TNR: variants seen among roughly 807,000 people sequenced by gnomAD.
The protein encoded by TNR is tenascin-R.
In TNR, 45 loss-of-function variants were observed where a neutral mutation model predicts 150.4. That is an observed-to-expected ratio of 0.30 (90% confidence interval 0.24 to 0.38). The LOEUF (loss-of-function observed/expected upper bound fraction) is 0.38, where lower values mean the gene tolerates loss of function less well. Among genes scored for constraint, TNR ranks in the 10% least tolerant of loss-of-function variants. TNR has a pLI of 1.00. For missense variants in TNR, 1,544 were observed against 1,759.1 expected, an observed-to-expected ratio of 0.88 and a Z score of 2.19; for synonymous variants, 687 against 678.4, an observed-to-expected ratio of 1.01 and a Z score of -0.20.
At position 175,331,167 on chromosome 1, in the gene TNR, TTCCTTCC is replaced by T. The variant is rs1557868627; in HGVS notation, c.3632-939_3632-933del. On this transcript the variant is annotated intron_variant, in intron 20 of 22. Coordinates refer to ENST00000367674, the MANE Select transcript of TNR (RefSeq NM_003285.3). ...TCTTCCTTTCTTTCTTTTTCTTTCCTTCCTTCCTTCCTTCCTTCCTTCCTTCCTTCCT... is the reference window on the plus strand; with the variant it reads ...TCTTCCTTTCTTTCTTTTTCTTTCCTTTCCTTCCTTCCTTCCTTCCTTCCT... 3.1e-3 allele frequency among the ~76,000 whole-genome samples: 120 copies of T among 39,008 alleles called. 2 individuals carry two copies. The highest frequency in any genetic ancestry group is 8.4e-3 in the African/African-American group (98 of 11,648). The allele number at this position is 39,008 out of a possible 152,430, so 25.6% of individuals were successfully genotyped here.
chr1:175,634,084 C>T (rs1000632090), intron 1 of TNR, among the ~76,000 whole-genome samples: 2 of 152,146 alleles, frequency 1.3e-5, no homozygotes, highest in Non-Finnish European at 2.9e-5. Flanking sequence ...TATGTAACCA[C>T]TTGACACAAT....
At chr1:175,720,976 C>T (rs1216422878) in intron 1 of TNR, among the ~76,000 whole-genome samples, 3 of 152,202 alleles carry the variant, frequency 2.0e-5, no homozygotes, top group African/African-American at 7.2e-5. Flanking sequence ...TTGCCCAACC[C>T]TCTCATTTTT....
intron 3 of TNR, among the ~76,000 whole-genome samples, chr1:175,404,903 G>T (rs927315719): frequency 6.6e-6 from 1 of 152,192 alleles, no homozygotes; most frequent in African/African-American, 2.4e-5. Flanking sequence ...GTTGGTTATT[G>T]GGAGGAGAAG....
chr1:175,595,237 G>A (rs754612746), intron 1 of TNR, among the ~76,000 whole-genome samples: 1 of 152,138 alleles, frequency 6.6e-6, no homozygotes, highest in Non-Finnish European at 1.5e-5. Context: ...GCCAGCTATT[G>A]GTAGAGAATG....
rs747232355 is a variant in TNR at position 175,367,281 on chromosome 1, A to G, written c.1980T>C (p.Thr660=). The G allele has an allele frequency of 2.5e-6, 4 of 1,614,142 alleles. No individual in the cohort carries two copies. In the South Asian group the frequency reaches 4.4e-5, roughly 18 times the overall value. The change falls in exon 10 of 23, where the codon ACT becomes ACC. Residue 660 remains threonine, a synonymous_variant. Coordinates refer to ENST00000367674, the MANE Select transcript of TNR (RefSeq NM_003285.3). ...CGGCAGATATTCCAACTCCATACTC[A>G]GTGCCAGGTACCAGATCTATCAGTG... ...RATLTDLVPG[T]EYGVGISAVM...
chr1:175,364,441 T>G (rs1448478629), intron 12 of TNR, among the ~76,000 whole-genome samples: 6 of 151,966 alleles, frequency 3.9e-5, no homozygotes, highest in Admixed American at 2.0e-4. Flanking sequence ...AACATACATA[T>G]CTTCACCCAC....
At chr1:175,574,324 T>C (rs1046044584) in intron 1 of TNR, among the ~76,000 whole-genome samples, 2 of 152,198 alleles carry the variant, frequency 1.3e-5, no homozygotes, top group African/African-American at 4.8e-5. Context: ...TCCTTTTCTG[T>C]CTGCTCCTGT....
At chr1:175,651,153 A>C (rs1571715255) in intron 1 of TNR, among the ~76,000 whole-genome samples, 14 of 42,058 alleles carry the variant, frequency 3.3e-4, no homozygotes, top group East Asian at 1.0e-3. Context: ...ACCCCTCCCC[A>C]CCTCATTATT....
At chr1:175,641,035 C>T (rs929614780) in intron 1 of TNR, among the ~76,000 whole-genome samples, 90 of 152,144 alleles carry the variant, frequency 5.9e-4, no homozygotes, top group African/African-American at 2.1e-3. Flanking sequence ...GTCATTGTGA[C>T]ACATATTTAT....
At chr1:175,427,889 G>GCTTCCTTCCTTCCTTCCTTCCTTC (rs71129510) in intron 2 of TNR, among the ~76,000 whole-genome samples, 151 of 111,534 alleles carry the variant, frequency 1.4e-3, no homozygotes, top group African/African-American at 3.9e-3. Flanking sequence ...TCCCTTCTTC[G>GCTTCCTTCCTTCCTTCCTTCCTTC]CTTCCTTCCT....
intron 18 of TNR, among the ~76,000 whole-genome samples, chr1:175,352,927 TTCTC>T (rs1651124471): frequency 6.6e-6 from 1 of 152,146 alleles, no homozygotes; most frequent in African/African-American, 2.4e-5. Flanking sequence ...CTGGGGGACT[TTCTC>T]TCACCTCTCT....
rs1652918591 is a variant in TNR at position 175,386,199 on chromosome 1, T to A, written c.1610A>T (p.Lys537Ile). The A allele has an allele frequency of 1.2e-6, 2 of 1,612,096 alleles. No homozygotes were observed. The highest frequency in any genetic ancestry group is 8.5e-7 in the Non-Finnish European group (1 of 1,178,512). The stretch of plus-strand genomic sequence containing the variant: ...ACCTTCCCCGCCCACCAGGCCATAT[T>A]TCAAAAGAATGAAATCGACTTTGGC... ...PRAKVDFILL[K>I]YGLVGGEGGR... is the part of the protein sequence containing the mutation. Residue 537 changes from lysine to isoleucine, a missense_variant, in exon 8 of 23, where the codon AAA becomes ATA. By Grantham distance (102) the Lys-to-Ile change is moderately radical. Transcript: ENST00000367674.
chr1:175,355,151 A>T lies in TNR; in HGVS notation c.3249+352T>A, dbSNP rs193271853. On this transcript the variant is annotated intron_variant, in intron 17 of 22. Transcript: ENST00000367674. ...CAATATCATGTACTTGGGAGTTTCC[A>T]ATGTGCTTTGTGTCATTGTATTGGA... 8.5e-5 allele frequency among the ~76,000 whole-genome samples: 13 copies of T among 152,336 alleles called. No individual in the cohort carries two copies. In the East Asian group the frequency reaches 2.5e-3, roughly 29 times the overall value.
At chr1:175,593,387 AG>A (rs1662880917) in intron 1 of TNR, among the ~76,000 whole-genome samples, 1 of 152,142 alleles carries the variant, frequency 6.6e-6, no homozygotes, top group African/African-American at 2.4e-5. Flanking sequence ...AAGAGAGTGT[AG>A]ATCAATCGGA....
At chr1:175,688,067 G>A (rs185622602) in intron 1 of TNR, among the ~76,000 whole-genome samples, 2 of 152,236 alleles carry the variant, frequency 1.3e-5, no homozygotes, top group Non-Finnish European at 2.9e-5. Flanking sequence ...TTGGGAACAC[G>A]ATGGGAGAAC....
At chr1:175,573,174 G>T (rs1192431414) in intron 1 of TNR, among the ~76,000 whole-genome samples, 1 of 152,194 alleles carries the variant, frequency 6.6e-6, no homozygotes, top group Admixed American at 6.5e-5. Flanking sequence ...AAGTGTGTGT[G>T]TACACCCTCC....
chr1:175,656,941 G>T (rs1665196589), intron 1 of TNR, among the ~76,000 whole-genome samples: 1 of 152,176 alleles, frequency 6.6e-6, no homozygotes. Flanking sequence ...TTTGCTAAAG[G>T]ATGCTATGCA....
At chr1:175,566,826 T>C (rs1182278384) in intron 1 of TNR, among the ~76,000 whole-genome samples, 2 of 152,222 alleles carry the variant, frequency 1.3e-5, no homozygotes, top group Non-Finnish European at 2.9e-5. Flanking sequence ...TACGTTTTTT[T>C]GTCCACAAGG....
chr1:175,628,307 GA>G (rs1348021679), intron 1 of TNR, among the ~76,000 whole-genome samples: 1 of 152,058 alleles, frequency 6.6e-6, no homozygotes, highest in Non-Finnish European at 1.5e-5. Flanking sequence ...GCCTTTTTAG[GA>G]TCTCTGAAAT....
Sources: gnomAD v4.1 joint callset for allele counts (sites outside exome capture counted in the v4.1 genomes callset) on GRCh38, gnomAD v4.1.1 for gene constraint, MANE v1.5 for transcripts, NCBI Gene and HGNC (gene_info 2026-07-23, HGNC 2026-07-21) for gene names.